NRXN1: variants seen among roughly 807,000 people sequenced by gnomAD.
NRXN1 encodes neurexin 1, also known as neurexin-1.
NRXN1 carries 39 observed loss-of-function variants against 150.9 expected under a neutral mutation model. The ratio of observed to expected loss-of-function variants is 0.26; its 90% CI spans 0.20 to 0.34. The LOEUF is 0.34. Among genes scored for constraint, NRXN1 ranks in the 10% least tolerant of loss-of-function variants. The probability of loss-of-function intolerance (pLI) is 1.00; values close to 1 mark genes in which losing one functional copy is unlikely to be tolerated. For synonymous variants in NRXN1, 924 were observed against 757.0 expected (o/e 1.22, Z -3.62); for missense variants, 1,815 against 1,949.9 (o/e 0.93, Z 1.30).
At chr2:50,973,280 T>C (rs890125771) in intron 2 of NRXN1, among the ~76,000 whole-genome samples, 3 of 152,138 alleles carry the variant, frequency 2.0e-5, no homozygotes, top group African/African-American at 7.2e-5. Flanking sequence ...TCAAAGACAC[T>C]GGCAAACACT....
intron 5 of NRXN1, among the ~76,000 whole-genome samples, chr2:50,669,782 T>A (rs1363210132): frequency 6.6e-6 from 1 of 151,186 alleles, no homozygotes; most frequent in Non-Finnish European, 1.5e-5. Flanking sequence ...GAAATGCATG[T>A]TGGCTTTTCC....
At chr2:50,148,414 A>G (rs943718408) in intron 18 of NRXN1, among the ~76,000 whole-genome samples, 1 of 151,658 alleles carries the variant, frequency 6.6e-6, no homozygotes, top group African/African-American at 2.4e-5. Flanking sequence ...TGCTCAAACA[A>G]TATTAGCTTG....
At chr2:50,857,621 G>C (rs542518470) in intron 5 of NRXN1, among the ~76,000 whole-genome samples, 1 of 152,048 alleles carries the variant, frequency 6.6e-6, no homozygotes, top group Non-Finnish European at 1.5e-5. Context: ...AATTTCTCTA[G>C]AGAGTGCTTC....
intron 17 of NRXN1, among the ~76,000 whole-genome samples, chr2:50,284,678 T>C (rs994235042): frequency 6.6e-6 from 1 of 152,226 alleles, no homozygotes; most frequent in African/African-American, 2.4e-5. Context: ...ATCTACTTAA[T>C]GTAGAAAAAT....
At chr2:49,976,126 G>A (rs1309931111) in intron 21 of NRXN1, among the ~76,000 whole-genome samples, 2 of 147,750 alleles carry the variant, frequency 1.4e-5, no homozygotes, top group Non-Finnish European at 3.0e-5. Flanking sequence ...AGGTTCAAGT[G>A]ATTCTTCTGC....
intron 17 of NRXN1, among the ~76,000 whole-genome samples, chr2:50,431,220 C>T (rs2084937574): frequency 1.3e-5 from 2 of 152,156 alleles, no homozygotes; most frequent in African/African-American, 2.4e-5. Context: ...AGCAATTTTT[C>T]CCAGTTCCCT....
At chr2:50,364,034 G>C (rs778625029) in intron 17 of NRXN1, among the ~76,000 whole-genome samples, 1 of 152,052 alleles carries the variant, frequency 6.6e-6, no homozygotes, top group East Asian at 1.9e-4. Context: ...AGTGGGAGTT[G>C]AACAATGAGA....
chr2:50,616,661 T>C (rs1573805958), intron 8 of NRXN1, among the ~76,000 whole-genome samples: 1 of 152,282 alleles, frequency 6.6e-6, no homozygotes, highest in African/African-American at 2.4e-5. Flanking sequence ...GTCAAGTAAC[T>C]TCTCTAGGTC....
At chr2:50,975,047 G>A (rs1257876308) in intron 2 of NRXN1, among the ~76,000 whole-genome samples, 1 of 151,872 alleles carries the variant, frequency 6.6e-6, no homozygotes, top group African/African-American at 2.4e-5. Context: ...CTCTTCCAGG[G>A]AATCCACAAG....
chr2:50,266,536 TACACACAC>T (rs67570666), intron 17 of NRXN1, among the ~76,000 whole-genome samples: 1,509 of 112,796 alleles, frequency 0.013, 24 homozygotes, highest in African/African-American at 0.045. Context: ...TGTATATAAA[TACACACAC>T]ACACACACAC....
intron 8 of NRXN1, among the ~76,000 whole-genome samples, chr2:50,553,346 C>T (rs1169292883): frequency 2.6e-5 from 4 of 152,142 alleles, no homozygotes; most frequent in African/African-American, 9.7e-5. Flanking sequence ...CATTACCATG[C>T]TAAGACTTGA....
intron 17 of NRXN1, among the ~76,000 whole-genome samples, chr2:50,317,366 C>T (rs1441692348): frequency 1.3e-5 from 2 of 151,804 alleles, no homozygotes; most frequent in African/African-American, 2.4e-5. Context: ...ATCTTTAAAA[C>T]AGTCAGGAAG....
chr2:50,800,129 A>G (rs1260494997), intron 5 of NRXN1, among the ~76,000 whole-genome samples: 4 of 152,156 alleles, frequency 2.6e-5, no homozygotes, highest in Admixed American at 6.6e-5. Flanking sequence ...GCACTGTTTT[A>G]ATCTTGTCAT....
chr2:50,907,722 T>C (rs1207967689), intron 5 of NRXN1, among the ~76,000 whole-genome samples: 3 of 151,966 alleles, frequency 2.0e-5, no homozygotes, highest in African/African-American at 7.2e-5. Context: ...AGCCAAGGAA[T>C]ATAGGCAGCC....
intron 17 of NRXN1, among the ~76,000 whole-genome samples, chr2:50,335,044 C>G (rs536180586): frequency 1.3e-5 from 2 of 152,102 alleles, no homozygotes; most frequent in Admixed American, 1.3e-4. Context: ...TATATCATCC[C>G]AGGTGATCAT....
chr2:50,723,434 T>C (rs1381531772), intron 5 of NRXN1, among the ~76,000 whole-genome samples: 1 of 152,216 alleles, frequency 6.6e-6, no homozygotes, highest in African/African-American at 2.4e-5. Flanking sequence ...ACATTACCCA[T>C]GCATCTTGAG....
intron 5 of NRXN1, among the ~76,000 whole-genome samples, chr2:50,659,738 T>G (rs1459221025): frequency 6.6e-6 from 1 of 151,650 alleles, no homozygotes; most frequent in African/African-American, 2.4e-5. Context: ...TTTCTTTTTT[T>G]TTTTTCCCAA....
intron 17 of NRXN1, among the ~76,000 whole-genome samples, chr2:50,267,746 T>A (rs1177841879): frequency 3.3e-5 from 5 of 152,180 alleles, no homozygotes; most frequent in African/African-American, 4.8e-5. Context: ...AAATTAGAAG[T>A]AACCGTTGTA....
At chr2:51,001,736 A>T (rs1232142862) in intron 2 of NRXN1, among the ~76,000 whole-genome samples, 1 of 151,986 alleles carries the variant, frequency 6.6e-6, no homozygotes, top group Non-Finnish European at 1.5e-5. Context: ...ATAAAATTTT[A>T]GTTTGATGAT....
Sources: gnomAD v4.1 joint callset for allele counts (sites outside exome capture counted in the v4.1 genomes callset) on GRCh38, gnomAD v4.1.1 for gene constraint, MANE v1.5 for transcripts, NCBI Gene and HGNC (gene_info 2026-07-23, HGNC 2026-07-21) for gene names.